Variants in CNKSR2 observed in about 807,000 individuals in gnomAD.
The protein encoded by CNKSR2 is CNK homolog protein 2.
CNKSR2 carries 14 observed loss-of-function variants against 84.4 expected under a neutral mutation model. The ratio of observed to expected loss-of-function variants is 0.17; its 90% CI spans 0.11 to 0.26. CNKSR2 has a LOEUF of 0.26. Among genes scored for constraint, CNKSR2 ranks in the 10% least tolerant of loss-of-function variants. The pLI, the probability that CNKSR2 is intolerant of heterozygous loss-of-function variation, is 1.00. For synonymous variants in CNKSR2, 275 were observed against 277.9 expected (o/e 0.99, Z 0.10); for missense variants, 485 against 771.2 (o/e 0.63, Z 4.40).
chrX:21,390,824 T>C lies in CNKSR2; in HGVS notation c.64+15863T>C, dbSNP rs184616668. Among the ~76,000 whole-genome samples the C allele has an allele frequency of 2.7e-5, 3 of 112,169 alleles. No homozygotes were observed. In the Admixed American group the frequency reaches 2.8e-4, roughly 11 times the overall value. On this transcript the variant is annotated intron_variant, in intron 1 of 21. Coordinates refer to ENST00000379510, the MANE Select transcript of CNKSR2 (RefSeq NM_014927.5). ...AAAGTCTCATCTGAGACAAGGCAAG[T>C]TTCTTCCATCTATGACACTGTAAAA...
rs760872423 is a variant in CNKSR2 at position 21,440,909 on chromosome X, AAAG to A, written c.519+131_519+133del. 284 of 382,857 alleles carry A rather than the reference AAAG, an allele frequency of 7.4e-4. 1 individual carries two copies. The highest frequency in any genetic ancestry group is 6.9e-3 in the African/African-American group (263 of 37,976). The allele number at this position is 382,857 out of a possible 1,213,427, so 31.6% of individuals were successfully genotyped here. ...AAGTTTCTCAAAGACAAACCATTCT[AAAG>A]AAATGAAATGTGTAGTTATTTATTG... On this transcript the variant is annotated intron_variant, in intron 4 of 21. Transcript: ENST00000379510.
intron 13 of CNKSR2, among the ~76,000 whole-genome samples, chrX:21,585,463 A>G (rs1324430971): frequency 9.2e-6 from 1 of 108,872 alleles, no homozygotes; most frequent in Non-Finnish European, 1.9e-5. Flanking sequence ...CATTGTGAAA[A>G]CAAAGCTGGT....
intron 20 of CNKSR2, among the ~76,000 whole-genome samples, chrX:21,640,748 ATATT>A (rs755056039): frequency 1.8e-5 from 2 of 112,246 alleles, no homozygotes; most frequent in East Asian, 5.6e-4. Flanking sequence ...CCTGCTGACA[ATATT>A]TATTAGATTC....
Position 21,609,286 on chromosome X carries a change from G to C in CNKSR2, c.2361G>C (p.Leu787=). ...TSSGLHYLQT[L]PLEDSVFSDS... The stretch of plus-strand genomic sequence containing the variant: ...CAGGCTTACACTATCTTCAGACTCT[G>C]CCCCTGGAGGATTCTGTCTTCTCTG... Residue 787 remains leucine (L), a synonymous_variant, in exon 20 of 22, where the codon CTG becomes CTC. Coordinates refer to ENST00000379510, the MANE Select transcript of CNKSR2 (RefSeq NM_014927.5). 8.3e-7 allele frequency: 1 copy of C among 1,211,476 alleles called. No homozygotes were observed. The highest frequency in any genetic ancestry group is 1.8e-5 in the South Asian group (1 of 56,930).
chrX:21,590,040 T>G (rs1213509730), intron 13 of CNKSR2, among the ~76,000 whole-genome samples: 1 of 111,051 alleles, frequency 9.0e-6, no homozygotes, highest in Non-Finnish European at 1.9e-5. Flanking sequence ...GCTGACATCA[T>G]CTACATGAAG....
intron 20 of CNKSR2, among the ~76,000 whole-genome samples, chrX:21,632,865 G>C (rs1038621383): frequency 2.7e-5 from 3 of 111,550 alleles, no homozygotes; most frequent in Admixed American, 9.6e-5. Flanking sequence ...AGCATATCCA[G>C]ATAGATCTGA....
At chrX:21,478,837 A>T (rs1219671953) in intron 5 of CNKSR2, among the ~76,000 whole-genome samples, 1 of 112,006 alleles carries the variant, frequency 8.9e-6, no homozygotes, top group Admixed American at 9.5e-5. Context: ...AGAAAGCAGT[A>T]TGGCCACATA....
chrX:21,528,008 G>A (rs942222099), intron 10 of CNKSR2, among the ~76,000 whole-genome samples: 1 of 110,514 alleles, frequency 9.0e-6, no homozygotes, highest in Non-Finnish European at 1.9e-5. Flanking sequence ...TGCAAATACT[G>A]TGTTGTCATC....
At chrX:21,459,205 G>T (rs2091030982) in intron 4 of CNKSR2, among the ~76,000 whole-genome samples, 1 of 109,151 alleles carries the variant, frequency 9.2e-6, no homozygotes, top group South Asian at 4.0e-4. Context: ...TGTATTTTTG[G>T]TAGAGACAGG....
chrX:21,591,730 A>T (rs181445696), intron 15 of CNKSR2: 15 of 110,657 alleles, frequency 1.4e-4, no homozygotes, highest in African/African-American at 4.6e-4. Context: ...TATATAATAC[A>T]TTTAAATTAT....
At chrX:21,473,745 G>GTTTTTTTTTTTTTGTTTTTTTTTTT (rs2091226394) in intron 5 of CNKSR2, among the ~76,000 whole-genome samples, 1 of 67,231 alleles carries the variant, frequency 1.5e-5, no homozygotes, top group African/African-American at 1.0e-4. Flanking sequence ...TGTTGGTTTG[G>GTTTTTTTTTTTTTGTTTTTTTTTTT]TTTTTTTTTT....
chrX:21,398,079 C>G (rs1048045551), intron 1 of CNKSR2, among the ~76,000 whole-genome samples: 1 of 111,161 alleles, frequency 9.0e-6, no homozygotes, highest in Non-Finnish European at 1.9e-5. Context: ...GTTATAAAGC[C>G]TCAACAATTG....
intron 11 of CNKSR2, among the ~76,000 whole-genome samples, chrX:21,540,149 G>A (rs750230487): frequency 8.9e-6 from 1 of 112,302 alleles, no homozygotes; most frequent in East Asian, 2.8e-4. Context: ...TGGAAGGTGT[G>A]CACCAAGTGC....
At chrX:21,631,587 TTG>T (rs1374704261) in intron 20 of CNKSR2, among the ~76,000 whole-genome samples, 2 of 112,043 alleles carry the variant, frequency 1.8e-5, no homozygotes, top group African/African-American at 6.5e-5. Flanking sequence ...GTCTGATATA[TTG>T]TGTGTTTCTG....
At position 21,652,131 on chromosome X, in the gene CNKSR2, G is replaced by A. The variant is rs148172512; in HGVS notation, c.2890-175G>A. ...AACCACACAGTGGGCAAAAGGAGGCGTTCCTCGGGTGTAGAAAAAAGTACA... is the reference window on the plus strand; with the variant it reads ...AACCACACAGTGGGCAAAAGGAGGCATTCCTCGGGTGTAGAAAAAAGTACA... On this transcript the variant is annotated intron_variant, in intron 21 of 21. Transcript: ENST00000379510. Among the ~76,000 whole-genome samples, 301 of 112,037 alleles carry A rather than the reference G, an allele frequency of 2.7e-3. 2 individuals are homozygous for A. Among genetic ancestry groups the A allele is most frequent in the Middle Eastern group, 4.6e-3 (1 of 217 alleles).
At chrX:21,636,948 T>A (rs1009585544) in intron 20 of CNKSR2, among the ~76,000 whole-genome samples, 2 of 111,781 alleles carry the variant, frequency 1.8e-5, no homozygotes, top group Non-Finnish European at 3.8e-5. Context: ...CATAGTACAT[T>A]TTCCTGAAAT....
At chrX:21,456,480 T>A (rs187640704) in intron 4 of CNKSR2, among the ~76,000 whole-genome samples, 2 of 112,126 alleles carry the variant, frequency 1.8e-5, no homozygotes, top group East Asian at 5.6e-4. Context: ...TTTCTATGTC[T>A]GGCTTATTTC....
At chrX:21,637,660 G>T (rs190442282) in intron 20 of CNKSR2, among the ~76,000 whole-genome samples, 36 of 111,108 alleles carry the variant, frequency 3.2e-4, no homozygotes, top group African/African-American at 7.2e-4. Context: ...TCTCTGTTTT[G>T]GTCTGAACAT....
chrX:21,410,790 T>TTGTGTG (rs36094917), intron 1 of CNKSR2, among the ~76,000 whole-genome samples: 4 of 103,821 alleles, frequency 3.9e-5, no homozygotes, highest in South Asian at 4.2e-4. Flanking sequence ...CACCAAAGGA[T>TTGTGTG]TGTGTGTGTG....
Sources: gnomAD v4.1 joint callset for allele counts (sites outside exome capture counted in the v4.1 genomes callset) on GRCh38, gnomAD v4.1.1 for gene constraint, MANE v1.5 for transcripts, NCBI Gene and HGNC (gene_info 2026-07-23, HGNC 2026-07-21) for gene names.